Variants in UBA5 observed in about 807,000 individuals in gnomAD.
UBA5 encodes ubiquitin-like modifier-activating enzyme 5.
A neutral mutation model predicts 52.9 loss-of-function variants in UBA5; 28 were observed. The ratio of observed to expected loss-of-function variants is 0.53; its 90% confidence interval spans 0.39 to 0.73. The LOEUF is 0.73. UBA5 is among the 30% of genes least tolerant of loss of function. The pLI, the probability that UBA5 is intolerant of heterozygous loss-of-function variation, is 0.00. For missense variants in UBA5, 388 were observed against 492.7 expected (o/e 0.79, Z 2.01); for synonymous variants, 135 against 162.1 (o/e 0.83, Z 1.27).
chr3:132,666,331 T>C (rs1938378035), intron 3 of UBA5, among the ~76,000 whole-genome samples: 1 of 152,134 alleles, frequency 6.6e-6, no homozygotes, highest in Non-Finnish European at 1.5e-5. Context: ...GTTTTAGATA[T>C]AGAAACTTAG....
chr3:132,661,791 T>C (rs1938179519), intron 1 of UBA5, among the ~76,000 whole-genome samples: 1 of 152,194 alleles, frequency 6.6e-6, no homozygotes, highest in African/African-American at 2.4e-5. Flanking sequence ...TTGTTGCTTT[T>C]TTCCTTTAAA....
Position 132,678,742 on chromosome 3 carries a change from C to T in UBA5, c.*2216C>T, listed in dbSNP as rs1042865009. 6.6e-6 allele frequency among the ~76,000 whole-genome samples: 1 copy of T among 152,000 alleles called. No individual in the cohort carries two copies. The highest frequency in any genetic ancestry group is 2.0e-4 in the East Asian group (1 of 5,114). ...TCAGCTCACCACATCCTCCGCCTCC[C>T]AGGTTCAAGCGATTCTCCTGCCTCA... On this transcript the variant is annotated 3_prime_UTR_variant, in exon 12 of 12. Coordinates refer to ENST00000356232, the MANE Select transcript of UBA5 (RefSeq NM_024818.6).
chr3:132,676,004 GAAGT>G lies in UBA5; in HGVS notation c.1131+83_1131+86del. On this transcript the variant is annotated intron_variant, in intron 11 of 11. Transcript: ENST00000356232. This position sits in a 1 kb window ranked among gnomAD's most constrained non-coding sequence, Gnocchi z 4.1. ...CTTCATTCTAATTTGTAATGCCAAT[GAAGT>G]ATTTCCTGTTTTAGATATTTTATGC... The G allele has an allele frequency of 1.0e-6, 1 of 958,404 alleles. No individual in the cohort carries two copies. Among genetic ancestry groups the G allele is most frequent in the Non-Finnish European group, 1.6e-6 (1 of 643,798 alleles). The allele number at this position is 958,404 out of a possible 1,614,324, so 59.4% of individuals were successfully genotyped here.
At position 132,679,334 on chromosome 3, in the gene UBA5, ATTGAG is replaced by A. The variant is rs1938959808; in HGVS notation, c.*2812_*2816del. 6.6e-6 allele frequency among the ~76,000 whole-genome samples: 1 copy of A among 152,158 alleles called. No individual in the cohort carries two copies. ...AGTACTCTAACAATTCAGATTTATAATTGAGTTGTCTGAAAGCTACCTTTTTCATT... is the reference window on the plus strand; with the variant it reads ...AGTACTCTAACAATTCAGATTTATAATTGTCTGAAAGCTACCTTTTTCATT... On this transcript the variant is annotated 3_prime_UTR_variant, in exon 12 of 12. Transcript: ENST00000356232.
At chr3:132,662,207 A>G (rs533922469) in intron 1 of UBA5, among the ~76,000 whole-genome samples, 14 of 152,342 alleles carry the variant, frequency 9.2e-5, no homozygotes, top group African/African-American at 3.1e-4. Flanking sequence ...TAAAATTGCT[A>G]TACAGGAGAT....
intron 1 of UBA5, among the ~76,000 whole-genome samples, chr3:132,663,737 AC>A (rs1311892228): frequency 2.0e-5 from 3 of 152,214 alleles, no homozygotes; most frequent in Non-Finnish European, 4.4e-5. Context: ...TATGAACAGA[AC>A]AAAGGATGAA....
rs756815658 is a variant in UBA5 at position 132,672,057 on chromosome 3, C to T, written c.692C>T (p.Pro231Leu). 4 of 1,613,506 alleles carry T rather than the reference C, an allele frequency of 2.5e-6. No homozygotes were observed. In the East Asian group the frequency reaches 6.7e-5, roughly 27 times the overall value. Residue 231 changes from proline to leucine, a missense_variant, in exon 8 of 12, where the codon CCA becomes CTA. Physicochemically the swap from Pro to Leu is moderately conservative, Grantham distance 98 (BLOSUM62 -3). Coordinates refer to ENST00000356232, the MANE Select transcript of UBA5 (RefSeq NM_024818.6). The part of the protein sequence containing the change: ...PGESACFACA[P>L]PLVVAANIDE... The stretch of plus-strand genomic sequence containing the variant: ...GTTTTATTTTTCATGTAGTGTGCTC[C>T]ACCACTTGTAGTTGCTGCAAATATT...
rs1047299562 is a variant in UBA5 at position 132,678,192 on chromosome 3, C to T, written c.*1666C>T. 1 of 152,070 alleles carries T rather than the reference C, an allele frequency of 6.6e-6. No homozygotes were observed. Among genetic ancestry groups the T allele is most frequent in the African/African-American group, 2.4e-5 (1 of 41,416 alleles). The allele number at this position is 152,070 out of a possible 1,614,324, so 9.4% of individuals were successfully genotyped here. Reference sequence around the variant, plus strand: ...CTGCACCAAATGTTACCTAATTGACCTAACTTTTTTTGTCTAATATCTTTC... The same window carrying T: ...CTGCACCAAATGTTACCTAATTGACTTAACTTTTTTTGTCTAATATCTTTC... On this transcript the variant is annotated 3_prime_UTR_variant, in exon 12 of 12. Coordinates refer to ENST00000356232, the MANE Select transcript of UBA5 (RefSeq NM_024818.6).
At chr3:132,657,985 C>T (rs561136282), upstream of UBA5, among the ~76,000 whole-genome samples, 3 of 151,754 alleles carry the variant, frequency 2.0e-5, no homozygotes, top group Admixed American at 6.6e-5. Context: ...CCTCAGCATC[C>T]CAAGTAGCTG....
rs1938957073 is a variant in UBA5, at chr3:132,679,286, G to A, written c.*2760G>A. Among the ~76,000 whole-genome samples, 1 of 151,866 alleles carries A rather than the reference G, an allele frequency of 6.6e-6. No homozygotes were observed. On this transcript the variant is annotated 3_prime_UTR_variant, in exon 12 of 12. Transcript: ENST00000356232. ...CTGTCTCAAAAAAAAAGGTATTGATGAATAAAAATTATAACTAGAATAAGT... is the reference window on the plus strand; with the variant it reads ...CTGTCTCAAAAAAAAAGGTATTGATAAATAAAAATTATAACTAGAATAAGT...
intron 1 of UBA5, among the ~76,000 whole-genome samples, chr3:132,663,245 C>T (rs1938242080): frequency 6.6e-6 from 1 of 152,088 alleles, no homozygotes; most frequent in Admixed American, 6.6e-5. Flanking sequence ...AAAAAACTTT[C>T]AGTTGAAAAT....
Position 132,666,040 on chromosome 3 carries a change from T to G in UBA5, c.264T>G (p.Thr88=), listed in dbSNP as rs201669689. 1.4e-5 allele frequency: 22 copies of G among 1,613,526 alleles called. No homozygotes were observed. Among genetic ancestry groups the G allele is most frequent in the Non-Finnish European group, 1.7e-5 (20 of 1,179,608 alleles). ...GTGTTGGTGGAGTAGGTAGTGTGAC[T>G]GCTGAAATGCTGACAAGATGTGGCA... ...IVGVGGVGSV[T]AEMLTRCGIG... Residue 88 remains threonine (T), a synonymous_variant, in exon 3 of 12, where the codon ACT becomes ACG. Transcript: ENST00000356232.
At chr3:132,662,755 A>C (rs16839493) in intron 1 of UBA5, among the ~76,000 whole-genome samples, 5,759 of 152,322 alleles carry the variant, frequency 0.038, 362 homozygotes, top group African/African-American at 0.13. Flanking sequence ...CTTTGAGATT[A>C]GAAAACCTGG....
intron 8 of UBA5, 120 bp downstream of exon 8, chr3:132,672,297 CTT>C: frequency 8.4e-7 from 1 of 1,188,342 alleles, no homozygotes; most frequent in African/African-American, 1.6e-5. Flanking sequence ...TTACTTTAAA[CTT>C]AAATGTAGTT....
In UBA5 at chr3:132,672,083, G is replaced by C. The variant is rs748551888; in HGVS notation, c.718G>C (p.Asp240His). The C allele has an allele frequency of 5.6e-6, 9 of 1,613,748 alleles. No homozygotes were observed. In the East Asian group the frequency reaches 2.0e-4, roughly 36 times the overall value. ...APPLVVAANI[D>H]EKTLKREGVC... ...ACCACTTGTAGTTGCTGCAAATATTGATGAAAAGACTCTGAAACGAGAAGG... is the reference window on the plus strand; with the variant it reads ...ACCACTTGTAGTTGCTGCAAATATTCATGAAAAGACTCTGAAACGAGAAGG... Residue 240 changes from aspartate to histidine, a missense_variant, in exon 8 of 12, where the codon GAT becomes CAT. Asp to His is a moderately conservative substitution (Grantham distance 81). Around this residue, in one of 3 missense-constraint regions of UBA5, gnomAD observed 277 missense variants for 326.4 expected, o/e 0.85. Transcript: ENST00000356232.
At position 132,675,642 on chromosome 3, in the gene UBA5, A is replaced by C. The variant is rs1938805209; in HGVS notation, c.986A>C (p.Gln329Pro). Residue 329 changes from glutamine to proline, a missense_variant, in exon 10 of 12, where the codon CAA becomes CCA. Physicochemically the swap from Gln to Pro is moderately conservative, Grantham distance 76. Around this residue, in one of 3 missense-constraint regions of UBA5, gnomAD observed 277 missense variants for 326.4 expected, o/e 0.85. Coordinates refer to ENST00000356232, the MANE Select transcript of UBA5 (RefSeq NM_024818.6). ...GCACTGCCTAAACAAGAGGTTATAC[A>C]AGAAGAGGAAGAGATAATCCATGAA... is the stretch of plus-strand genomic sequence containing the variant. ...VAALPKQEVI[Q>P]EEEEIIHEDN... The C allele has an allele frequency of 1.2e-6, 2 of 1,612,758 alleles. No individual in the cohort carries two copies. The highest frequency in any genetic ancestry group is 1.7e-6 in the Non-Finnish European group (2 of 1,179,298).
rs1938813140 is a variant in UBA5 at position 132,675,847 on chromosome 3, A to G, written c.1055A>G (p.Glu352Gly). 1 of 1,611,716 alleles carries G rather than the reference A, an allele frequency of 6.2e-7. No individual in the cohort carries two copies. Among genetic ancestry groups the G allele is most frequent in the South Asian group, 1.1e-5 (1 of 90,680 alleles). The change falls in exon 11 of 12, where the codon GAG becomes GGG. Residue 352 changes from glutamate (E) to glycine (G), a missense_variant. By Grantham distance (98) the Glu-to-Gly change is moderately conservative. Coordinates refer to ENST00000356232, the MANE Select transcript of UBA5 (RefSeq NM_024818.6). ...GIELVSEVSE[E>G]ELKNFSGPVP... is the part of the protein sequence containing the mutation. ...GAGCTGGTATCTGAGGTTTCAGAAG[A>G]GGAACTGAAAAATTTTTCAGGTCCA...
Position 132,670,281 on chromosome 3 carries a change from TA to T in UBA5, c.493del (p.Ser165ValfsTer5). The T allele has an allele frequency of 7.7e-7, 1 of 1,296,928 alleles. No individual in the cohort carries two copies. The highest frequency in any genetic ancestry group is 2.0e-5 in the Admixed American group (1 of 50,378). 80.3% of individuals were successfully genotyped at this position (1,296,928 alleles called of 1,614,324 possible). ...AACTTTCAACATTTCATGGATAGAA[TA>T]AGGTAAAATTTTAATTTATGAATAT... is the stretch of plus-strand genomic sequence containing the variant. ...VENFQHFMDRISNGGLEEGKP... is the reference protein window; with the variant it reads ...VENFQHFMDRXSNGGLEEGKP... On this transcript the variant is annotated frameshift_variant and splice_region_variant, in exon 5 of 12. Transcript: ENST00000356232. LOFTEE classifies it high-confidence loss of function.
chr3:132,656,230 C>T (rs1341062002), upstream of UBA5, among the ~76,000 whole-genome samples: 2 of 152,188 alleles, frequency 1.3e-5, no homozygotes, highest in Non-Finnish European at 2.9e-5. Context: ...CATTCTGTAT[C>T]TATAGACATT....
Sources: allele counts gnomAD v4.1 joint callset (sites outside exome capture counted in the v4.1 genomes callset), GRCh38; gene constraint gnomAD v4.1.1; regional missense constraint gnomAD v4.1.1; non-coding constraint Gnocchi (gnomAD v3.1); transcripts MANE v1.5; gene names NCBI Gene and HGNC (gene_info 2026-07-23, HGNC 2026-07-21).